FAM114A2: variants seen among roughly 807,000 people sequenced by gnomAD.
FAM114A2 encodes the protein protein FAM114A2.
A neutral mutation model predicts 58.4 loss-of-function variants in FAM114A2; 53 were observed. That is an observed-to-expected ratio of 0.91 (90% CI 0.73 to 1.14). The LOEUF is 1.14. Among genes scored for constraint, FAM114A2 ranks in the 50% most tolerant of loss-of-function variants. The pLI, the probability that FAM114A2 is intolerant of heterozygous loss-of-function variation, is 0.00. For synonymous variants in FAM114A2, 228 were observed against 211.4 expected (o/e 1.08, Z -0.68); for missense variants, 601 against 581.1 (o/e 1.03, Z -0.35).
chr5:153,995,148 C>T lies in FAM114A2; in HGVS notation c.1330-176G>A, dbSNP rs1002838189. The T allele has an allele frequency of 1.3e-5, 7 of 559,484 alleles. No homozygotes were observed. In the African/African-American group the frequency reaches 1.3e-4, roughly 10 times the overall value. 34.7% of individuals were successfully genotyped at this position (559,484 alleles called of 1,614,324 possible). Reference sequence around the variant, plus strand: ...GAATGGAAATTCTAAGTGTTTTAAACTTCTTTCTTAATATCTTTCTGTGCT... The same window carrying T: ...GAATGGAAATTCTAAGTGTTTTAAATTTCTTTCTTAATATCTTTCTGTGCT... On this transcript the variant is annotated intron_variant, in intron 12 of 13. Coordinates refer to ENST00000351797, the MANE Select transcript of FAM114A2 (RefSeq NM_018691.4).
At chr5:154,002,748 A>G (rs1770071938) in intron 10 of FAM114A2, 99 bp downstream of exon 10, 2 of 1,201,270 alleles carry the variant, frequency 1.7e-6, no homozygotes, top group African/African-American at 3.0e-5. Context: ...CAAGGTTGAA[A>G]TTACGGACAG....
chr5:154,029,047 A>C (rs995642911), intron 5 of FAM114A2, among the ~76,000 whole-genome samples: 1 of 152,234 alleles, frequency 6.6e-6, no homozygotes, highest in Non-Finnish European at 1.5e-5. Flanking sequence ...CATGTAGCAA[A>C]GATATTTAGC....
chr5:153,993,146 T>G, intron 13 of FAM114A2, 36 bp from the exon 14 acceptor site: 1 of 1,575,112 alleles, frequency 6.3e-7, no homozygotes, highest in Non-Finnish European at 8.6e-7. Flanking sequence ...AAGAAAATAT[T>G]AGTTATTTAA....
intron 4 of FAM114A2, among the ~76,000 whole-genome samples, chr5:154,031,122 G>T (rs1772163226): frequency 6.6e-6 from 1 of 151,686 alleles, no homozygotes; most frequent in South Asian, 2.1e-4. Flanking sequence ...GACCAGCCTG[G>T]CCAACACAGC....
intron 12 of FAM114A2, 108 bp from the exon 13 acceptor site, chr5:153,995,080 T>C (rs1052940594): frequency 9.6e-6 from 7 of 730,570 alleles, no homozygotes; most frequent in Admixed American, 2.1e-5. Flanking sequence ...AAATATTAAA[T>C]ATAAGCACAG....
At position 154,034,861 on chromosome 5, in the gene FAM114A2, CT is replaced by C; in HGVS notation, c.92del (p.Glu31GlyfsTer16). 6.2e-7 allele frequency: 1 copy of C among 1,614,006 alleles called. No homozygotes were observed. The highest frequency in any genetic ancestry group is 1.1e-5 in the South Asian group (1 of 91,090). Reference sequence around the variant, plus strand: ...CTGGTTTGGCACCTTGGTCAACAGACTCAGAATTCTTGGCTGGCTCACAGTT... The same window carrying C: ...CTGGTTTGGCACCTTGGTCAACAGACCAGAATTCTTGGCTGGCTCACAGTT... ...DGNCEPAKNS[E>X]SVDQGAKPES... On this transcript the variant is annotated frameshift_variant, in exon 2 of 14. Coordinates refer to ENST00000351797, the MANE Select transcript of FAM114A2 (RefSeq NM_018691.4). LOFTEE classifies it high-confidence loss of function.
Position 153,992,729 on chromosome 5 carries a change from A to G in FAM114A2, c.*247T>C, listed in dbSNP as rs1769310729. 6.5e-6 allele frequency: 2 copies of G among 308,204 alleles called. No homozygotes were observed. Among genetic ancestry groups the G allele is most frequent in the Non-Finnish European group, 1.2e-5 (2 of 169,786 alleles). 19.1% of individuals were successfully genotyped at this position (308,204 alleles called of 1,614,324 possible). Reference sequence around the variant, plus strand: ...CCACTAATCTTTATCTAGAGTTATTATTCTTGGACTTTCTACAAAAGTTTC... The same window carrying G: ...CCACTAATCTTTATCTAGAGTTATTGTTCTTGGACTTTCTACAAAAGTTTC... On this transcript the variant is annotated 3_prime_UTR_variant, in exon 14 of 14. Coordinates refer to ENST00000351797, the MANE Select transcript of FAM114A2 (RefSeq NM_018691.4).
rs1372163548 is a variant in FAM114A2, at chr5:153,997,847, A to C, written c.1285T>G (p.Ser429Ala). The C allele has an allele frequency of 1.2e-6, 2 of 1,604,518 alleles. No individual in the cohort carries two copies. Among genetic ancestry groups the C allele is most frequent in the East Asian group, 4.5e-5 (2 of 44,822 alleles). ...QMTIVLCKELSSLSKEFTTCL... is the reference protein window; with the variant it reads ...QMTIVLCKELASLSKEFTTCL... ...GTAGTGAACTCTTTAGACAGAGAGG[A>C]CAACTCTTTACACAACACAATTGTC... The change falls in exon 12 of 14, where the codon TCC (serine) becomes GCC (alanine). Residue 429 changes from serine to alanine, a missense_variant. Ser to Ala is a moderately conservative substitution (Grantham distance 99). Coordinates refer to ENST00000351797, the MANE Select transcript of FAM114A2 (RefSeq NM_018691.4).
intron 2 of FAM114A2, 144 bp from the exon 3 acceptor site, chr5:154,034,521 G>T: frequency 3.1e-6 from 2 of 638,374 alleles, no homozygotes; most frequent in Non-Finnish European, 5.5e-6. Context: ...GAAATGTATT[G>T]CTTGACTGGC....
At chr5:154,004,715 T>C (rs971748376) in intron 9 of FAM114A2, among the ~76,000 whole-genome samples, 4 of 113,000 alleles carry the variant, frequency 3.5e-5, no homozygotes, top group Non-Finnish European at 7.7e-5. Context: ...AAGCCCCTCA[T>C]CATCCTCTTC....
intron 4 of FAM114A2, 66 bp from the exon 5 acceptor site, chr5:154,029,646 T>C: frequency 1.2e-6 from 1 of 855,012 alleles, no homozygotes. Context: ...TTTATTAGCA[T>C]CTATGTGAAT....
intron 8 of FAM114A2, among the ~76,000 whole-genome samples, chr5:154,017,489 A>G (rs1186614009): frequency 9.8e-6 from 1 of 101,656 alleles, no homozygotes; most frequent in Non-Finnish European, 2.2e-5. Context: ...CAGCAACACA[A>G]TAATAGTGGG....
rs1771849009 is a variant in FAM114A2 at position 154,027,244 on chromosome 5, A to T, written c.721T>A (p.Phe241Ile). Residue 241 changes from phenylalanine to isoleucine, a missense_variant, in exon 7 of 14, where the codon TTT becomes ATT. Transcript: ENST00000351797. ...TDKKTHYGLL[F>I]DEFQGLSHLE... ...TGTGAAAGGCCTTGAAATTCATCAAAGAGTAGCCCATAATGAGTTTTCTTG... is the reference window on the plus strand; with the variant it reads ...TGTGAAAGGCCTTGAAATTCATCAATGAGTAGCCCATAATGAGTTTTCTTG... The T allele has an allele frequency of 6.2e-7, 1 of 1,613,404 alleles. No individual in the cohort carries two copies. The highest frequency in any genetic ancestry group is 1.3e-5 in the African/African-American group (1 of 74,908).
chr5:154,003,048 G>C, intron 9 of FAM114A2, 79 bp from the exon 10 acceptor site: 1 of 1,317,530 alleles, frequency 7.6e-7, no homozygotes, highest in Non-Finnish European at 1.1e-6. Context: ...GAACACAATA[G>C]CATCCTAGAA....
intron 12 of FAM114A2, among the ~76,000 whole-genome samples, chr5:153,995,683 T>C (rs1252302990): frequency 6.6e-6 from 1 of 152,210 alleles, no homozygotes; most frequent in Non-Finnish European, 1.5e-5. Flanking sequence ...ATATACTTAC[T>C]ATAAAGTAAT....
chr5:154,036,448 T>C (rs1054876061), intron 1 of FAM114A2: 2 of 152,168 alleles, frequency 1.3e-5, no homozygotes, highest in Non-Finnish European at 2.9e-5. Context: ...AATCAATACA[T>C]CTCACACATA....
At chr5:153,997,471 G>A (rs1304741835) in intron 12 of FAM114A2, among the ~76,000 whole-genome samples, 2 of 152,132 alleles carry the variant, frequency 1.3e-5, no homozygotes, top group African/African-American at 4.8e-5. Context: ...ACTATGCTAA[G>A]TGAGGGAAAC....
chr5:154,027,231 T>G lies in FAM114A2; in HGVS notation c.734A>C (p.Gln245Pro). The change falls in exon 7 of 14, where the codon CAA becomes CCA. Residue 245 changes from glutamine (Q) to proline (P), a missense_variant. Physicochemically the swap from Gln to Pro is moderately conservative, Grantham distance 76. Coordinates refer to ENST00000351797, the MANE Select transcript of FAM114A2 (RefSeq NM_018691.4). Reference sequence around the variant, plus strand: ...CAGAGCTTCTAGATGTGAAAGGCCTTGAAATTCATCAAAGAGTAGCCCATA... The same window carrying G: ...CAGAGCTTCTAGATGTGAAAGGCCTGGAAATTCATCAAAGAGTAGCCCATA... ...THYGLLFDEF[Q>P]GLSHLEALEM... 3 of 1,613,646 alleles carry G rather than the reference T, an allele frequency of 1.9e-6. No individual in the cohort carries two copies. Among genetic ancestry groups the G allele is most frequent in the Non-Finnish European group, 1.7e-6 (2 of 1,179,652 alleles).
Position 153,991,821 on chromosome 5 carries a change from C to T in FAM114A2, c.*1155G>A, listed in dbSNP as rs911420513. The stretch of plus-strand genomic sequence containing the variant: ...TTTAGAAGATGAGGGGCAGAGCTAA[C>T]AAATTACCTTAATCATTAAAAAACC... On this transcript the variant is annotated 3_prime_UTR_variant, in exon 14 of 14. Coordinates refer to ENST00000351797, the MANE Select transcript of FAM114A2 (RefSeq NM_018691.4). 4 of 150,328 alleles carry T rather than the reference C, an allele frequency of 2.7e-5. No individual in the cohort carries two copies. The highest frequency in any genetic ancestry group is 9.8e-5 in the African/African-American group (4 of 40,798). 9.3% of individuals were successfully genotyped at this position (150,328 alleles called of 1,614,324 possible). A position where few individuals can be genotyped will look rare whatever the true frequency, so the allele number is the denominator to read the frequency against.
Sources: gnomAD v4.1 joint callset for allele counts (sites outside exome capture counted in the v4.1 genomes callset) on GRCh38, gnomAD v4.1.1 for gene constraint, MANE v1.5 for transcripts, NCBI Gene and HGNC (gene_info 2026-07-23, HGNC 2026-07-21) for gene names.